Variants in CHST8 observed in about 807,000 individuals in gnomAD.
The protein encoded by CHST8 is carbohydrate sulfotransferase 8, also known as GALNAC-4-ST1.
In CHST8, 10 loss-of-function variants were observed where a neutral mutation model predicts 15.0. The ratio of observed to expected loss-of-function variants is 0.67; its 90% CI spans 0.41 to 1.13. The LOEUF (loss-of-function observed/expected upper bound fraction) is 1.13, where lower values mean the gene tolerates loss of function less well. CHST8 is among the 50% of genes most tolerant of loss of function. CHST8 has a pLI of 0.00. For synonymous variants in CHST8, 259 were observed against 256.6 expected (o/e 1.01, Z -0.09); for missense variants, 634 against 608.2 (o/e 1.04, Z -0.45).
At chr19:33,668,120 G>C (rs545075393) in intron 2 of CHST8, among the ~76,000 whole-genome samples, 1 of 152,280 alleles carries the variant, frequency 6.6e-6, no homozygotes, top group Admixed American at 6.5e-5. Flanking sequence ...GTCTCTGCTG[G>C]AGAAAGAATG....
chr19:33,762,052 G>A (rs912644073), intron 3 of CHST8, among the ~76,000 whole-genome samples: 7 of 152,176 alleles, frequency 4.6e-5, no homozygotes, highest in African/African-American at 1.4e-4. Flanking sequence ...GCATTTCCTC[G>A]GCATGCCTGG....
chr19:33,701,743 G>A (rs1384973216), intron 3 of CHST8, among the ~76,000 whole-genome samples: 1 of 152,184 alleles, frequency 6.6e-6, no homozygotes, highest in East Asian at 1.9e-4. Context: ...ATGTAGTCAG[G>A]GTTATTGTTT....
At chr19:33,636,917 T>A (rs192334211) in intron 1 of CHST8, among the ~76,000 whole-genome samples, 2 of 151,928 alleles carry the variant, frequency 1.3e-5, no homozygotes, top group African/African-American at 2.4e-5. Flanking sequence ...AGAAAGAAAG[T>A]AAAGGAATAA....
intron 1 of CHST8, among the ~76,000 whole-genome samples, chr19:33,657,213 A>C (rs1034393719): frequency 6.6e-6 from 1 of 151,756 alleles, no homozygotes; most frequent in Non-Finnish European, 1.5e-5. Flanking sequence ...ACATACACAA[A>C]CACACACGCA....
chr19:33,651,546 C>A (rs796671779), intron 1 of CHST8, among the ~76,000 whole-genome samples: 38 of 152,160 alleles, frequency 2.5e-4, no homozygotes, highest in African/African-American at 9.2e-4. Context: ...TAATGCATTT[C>A]TGAATTAAAT....
chr19:33,649,581 C>T (rs558401733), intron 1 of CHST8, among the ~76,000 whole-genome samples: 19 of 152,286 alleles, frequency 1.2e-4, no homozygotes, highest in South Asian at 2.1e-4. Context: ...GGGGTCTGGA[C>T]GCATACATAC....
intron 1 of CHST8, among the ~76,000 whole-genome samples, chr19:33,628,377 G>A (rs898338336): frequency 6.6e-6 from 1 of 152,202 alleles, no homozygotes; most frequent in African/African-American, 2.4e-5. Flanking sequence ...ATGAACTGCT[G>A]CAGAGTAGGA....
At chr19:33,765,070 A>ATATATATATGTATG (rs71181381) in intron 3 of CHST8, among the ~76,000 whole-genome samples, 25 of 113,154 alleles carry the variant, frequency 2.2e-4, no homozygotes, top group African/African-American at 8.0e-4. Flanking sequence ...ATATATATAT[A>ATATATATATGTATG]TATCAGAGTT....
chr19:33,714,999 C>T (rs1351561252), intron 3 of CHST8, among the ~76,000 whole-genome samples: 2 of 152,228 alleles, frequency 1.3e-5, no homozygotes, highest in African/African-American at 2.4e-5. Flanking sequence ...CCTCCACAGG[C>T]TCTGTCCCAG....
chr19:33,667,588 C>G (rs1393278569), intron 1 of CHST8, among the ~76,000 whole-genome samples, 179 bp from the exon 2 acceptor site: 2 of 152,050 alleles, frequency 1.3e-5, no homozygotes, highest in African/African-American at 2.4e-5. Context: ...TGATTCGTAA[C>G]CAGCTTGTTT....
intron 3 of CHST8, among the ~76,000 whole-genome samples, chr19:33,731,947 C>T (rs750021550): frequency 1.3e-5 from 2 of 152,190 alleles, no homozygotes; most frequent in Non-Finnish European, 2.9e-5. Context: ...CTCAATGGCT[C>T]AGTCCACACG....
chr19:33,766,600 G>A (rs917307615), intron 3 of CHST8, among the ~76,000 whole-genome samples: 8 of 152,190 alleles, frequency 5.3e-5, no homozygotes, highest in East Asian at 1.9e-4. Context: ...TGGGCTGTCC[G>A]GGACAACAGT....
intron 1 of CHST8, among the ~76,000 whole-genome samples, chr19:33,643,996 G>A (rs1035939547): frequency 6.6e-6 from 1 of 151,986 alleles, no homozygotes; most frequent in African/African-American, 2.4e-5. Context: ...GCAGTGGCTC[G>A]ATCTCAGCCC....
chr19:33,647,934 G>T (rs897894939), intron 1 of CHST8, among the ~76,000 whole-genome samples: 2 of 151,888 alleles, frequency 1.3e-5, no homozygotes, highest in Non-Finnish European at 2.9e-5. Flanking sequence ...TGTTTTGGGG[G>T]TTTTTATTTT....
chr19:33,745,321 AT>A lies in CHST8; in HGVS notation c.131-26085del, dbSNP rs1323643053. Reference sequence around the variant, plus strand: ...CCCATATTTCTTAGCCTCCAGATACATTTTTTTACATGCCAGGGCATTTTCT... The same window carrying A: ...CCCATATTTCTTAGCCTCCAGATACATTTTTTACATGCCAGGGCATTTTCT... On this transcript the variant is annotated intron_variant, in intron 3 of 4. Transcript: ENST00000650847. Among the ~76,000 whole-genome samples the A allele has an allele frequency of 9.2e-5, 14 of 152,254 alleles. No homozygotes were observed. In the South Asian group the frequency reaches 2.5e-3, roughly 27 times the overall value.
intron 2 of CHST8, among the ~76,000 whole-genome samples, chr19:33,673,324 A>G (rs1249974570): frequency 6.6e-6 from 1 of 152,254 alleles, no homozygotes. Flanking sequence ...GTCAATGAGT[A>G]ACTGGAGATG....
chr19:33,646,804 A>G (rs1280060552), intron 1 of CHST8, among the ~76,000 whole-genome samples: 1 of 152,210 alleles, frequency 6.6e-6, no homozygotes, highest in African/African-American at 2.4e-5. Flanking sequence ...TGTCCCAGGT[A>G]CTTGGGAGGC....
intron 1 of CHST8, among the ~76,000 whole-genome samples, chr19:33,639,437 G>T (rs1056973532): frequency 6.6e-6 from 1 of 152,148 alleles, no homozygotes; most frequent in Non-Finnish European, 1.5e-5. Flanking sequence ...TCTCAGCATC[G>T]GGGCAGCCTT....
chr19:33,691,892 C>T (rs1479176044), intron 3 of CHST8, among the ~76,000 whole-genome samples: 2 of 152,230 alleles, frequency 1.3e-5, no homozygotes, highest in Non-Finnish European at 2.9e-5. Flanking sequence ...ATGGCATGAA[C>T]TGTCCTGGGG....
Sources: allele counts gnomAD v4.1 joint callset (sites outside exome capture counted in the v4.1 genomes callset), GRCh38; gene constraint gnomAD v4.1.1; transcripts MANE v1.5; gene names NCBI Gene and HGNC (gene_info 2026-07-23, HGNC 2026-07-21).